The following ACSL6 variants were observed in gnomAD, a reference collection of about 807,000 sequenced individuals.
ACSL6 encodes acyl-CoA synthetase long chain family member 6.
ACSL6 carries 47 observed loss-of-function variants against 98.2 expected under a neutral mutation model. The ratio of observed to expected loss-of-function variants is 0.48; its 90% CI spans 0.38 to 0.61. The LOEUF is 0.61. ACSL6 is among the 20% of genes least tolerant of loss of function. The pLI is 0.00. For synonymous variants in ACSL6, 362 were observed against 336.9 expected (o/e 1.07, Z -0.82); for missense variants, 761 against 913.4 (o/e 0.83, Z 2.15).
rs1301577605 is a variant in ACSL6 at position 131,990,850 on chromosome 5, C to T, written c.385+3G>A. The T allele has an allele frequency of 1.3e-6, 2 of 1,599,590 alleles. No individual in the cohort carries two copies. Among genetic ancestry groups the T allele is most frequent in the African/African-American group, 2.7e-5 (2 of 74,384 alleles). ...CCACACCCCCCCCCACAACCCTTCT[C>T]ACCTGAGATGCTAAGCCCACGGCGG... On this transcript the variant is annotated splice_donor_region_variant and intron_variant, in intron 3 of 20. Transcript: ENST00000651883.
At chr5:131,997,363 T>G (rs1246864810) in intron 1 of ACSL6, among the ~76,000 whole-genome samples, 1 of 152,210 alleles carries the variant, frequency 6.6e-6, no homozygotes, top group African/African-American at 2.4e-5. Context: ...AGCCCAAGAC[T>G]GCAGTCTCAA....
chr5:131,990,227 C>T (rs773800277), intron 3 of ACSL6, 63 bp from the exon 4 acceptor site: 64 of 1,544,750 alleles, frequency 4.1e-5, no homozygotes, highest in Middle Eastern at 1.7e-4. Flanking sequence ...CACCTGCATC[C>T]GCCCATCAGA....
chr5:131,991,536 G>A (rs1272782841), intron 2 of ACSL6, among the ~76,000 whole-genome samples: 1 of 152,200 alleles, frequency 6.6e-6, no homozygotes, highest in African/African-American at 2.4e-5. Flanking sequence ...GGGAGGACAG[G>A]CTGAATTATG....
chr5:132,000,478 C>CG (rs1561810064), intron 1 of ACSL6, among the ~76,000 whole-genome samples: 1 of 151,968 alleles, frequency 6.6e-6, no homozygotes, highest in African/African-American at 2.4e-5. Flanking sequence ...CAGGGGCTCT[C>CG]GGGGGTCTCA....
At position 131,990,112 on chromosome 5, in the gene ACSL6, C is replaced by T. The variant is rs1347997184; in HGVS notation, c.438G>A (p.Leu146=). The change falls in exon 4 of 21, where the codon CTG becomes CTA. Residue 146 remains leucine, a synonymous_variant. Coordinates refer to ENST00000651883, the MANE Select transcript of ACSL6 (RefSeq NM_001009185.3). The part of the protein sequence containing the change: ...FRKPKQPYQW[L]SYQEVADRAE... ...CTGTATCACTCACCTCCTGGTAGGA[C>T]AGCCACTGGTAAGGCTGCTTAGGCT... The T allele has an allele frequency of 1.2e-6, 2 of 1,613,796 alleles. No individual in the cohort carries two copies. Among genetic ancestry groups the T allele is most frequent in the Non-Finnish European group, 1.7e-6 (2 of 1,179,986 alleles).
At position 131,989,349 on chromosome 5, in the gene ACSL6, A is replaced by G; in HGVS notation, c.552+58T>C. Reference sequence around the variant, plus strand: ...CAAACAGTGAAAGCAGGACTATTCCATGGCAGCCAACCCCTACCCCACGAA... The same window carrying G: ...CAAACAGTGAAAGCAGGACTATTCCGTGGCAGCCAACCCCTACCCCACGAA... On this transcript the variant is annotated intron_variant, in intron 5 of 20. Transcript: ENST00000651883. 7.9e-6 allele frequency: 12 copies of G among 1,516,486 alleles called. No individual in the cohort carries two copies. The South Asian group carries it at 1.4e-4, about 17-fold the overall frequency. 93.9% of individuals were successfully genotyped at this position (1,516,486 alleles called of 1,614,324 possible).
chr5:131,997,218 T>A (rs554636754), intron 1 of ACSL6, among the ~76,000 whole-genome samples: 1 of 152,336 alleles, frequency 6.6e-6, no homozygotes, highest in African/African-American at 2.4e-5. Flanking sequence ...AGCCTTTTCC[T>A]ACACACTGTA....
intron 1 of ACSL6, among the ~76,000 whole-genome samples, chr5:131,995,926 T>A (rs948325440): frequency 1.3e-5 from 2 of 152,176 alleles, no homozygotes; most frequent in African/African-American, 4.8e-5. Flanking sequence ...TATATGCTTG[T>A]CAAACCAAGA....
Position 131,986,944 on chromosome 5 carries a change from C to G in ACSL6, c.832-90G>C, listed in dbSNP as rs528094550. ...TGTCTCTGTCTCTTTCTCTCACACA[C>G]GCACATACACATACACACACACACA... is the stretch of plus-strand genomic sequence containing the variant. On this transcript the variant is annotated intron_variant, in intron 7 of 20. Transcript: ENST00000651883. 4 of 1,326,124 alleles carry G rather than the reference C, an allele frequency of 3.0e-6. No homozygotes were observed. The Admixed American group carries it at 7.5e-5, about 25-fold the overall frequency. The allele number at this position is 1,326,124 out of a possible 1,614,324, so 82.1% of individuals were successfully genotyped here. A position where few individuals can be genotyped will look rare whatever the true frequency, so the allele number is the denominator to read the frequency against.
At chr5:131,995,060 G>A (rs923237498) in intron 1 of ACSL6, among the ~76,000 whole-genome samples, 2 of 152,154 alleles carry the variant, frequency 1.3e-5, no homozygotes, top group Admixed American at 6.5e-5. Context: ...TGCTGTGTGC[G>A]CTCCCCGGGG....
intron 5 of ACSL6, 124 bp downstream of exon 5, chr5:131,989,283 T>C: frequency 2.1e-6 from 2 of 939,528 alleles, no homozygotes; most frequent in Non-Finnish European, 3.3e-6. Flanking sequence ...AGTGGTGGCA[T>C]AGCCCAAGGG....
rs559894402 is a variant in ACSL6, at chr5:131,964,333, T to C, written c.1714-1655A>G. 3.0e-4 allele frequency among the ~76,000 whole-genome samples: 45 copies of C among 152,368 alleles called. No individual in the cohort carries two copies. The South Asian group carries it at 9.1e-3, about 31-fold the overall frequency. On this transcript the variant is annotated intron_variant, in intron 17 of 20. Coordinates refer to ENST00000651883, the MANE Select transcript of ACSL6 (RefSeq NM_001009185.3). Reference sequence around the variant, plus strand: ...GTTGAATTATGTCAAGAATGCATGATTTGCTTTACATGAGAAATATAGAAT... The same window carrying C: ...GTTGAATTATGTCAAGAATGCATGACTTGCTTTACATGAGAAATATAGAAT...
chr5:132,007,761 A>C (rs994141912), intron 1 of ACSL6, among the ~76,000 whole-genome samples: 1 of 152,176 alleles, frequency 6.6e-6, no homozygotes, highest in African/African-American at 2.4e-5. Flanking sequence ...CCTAGTACTT[A>C]ATGAGTATTT....
At chr5:131,996,400 G>T (rs1172073182) in intron 1 of ACSL6, among the ~76,000 whole-genome samples, 1 of 152,176 alleles carries the variant, frequency 6.6e-6, no homozygotes, top group Non-Finnish European at 1.5e-5. Context: ...TCACAGCCAG[G>T]CCTATCAGAT....
At chr5:131,990,626 G>A (rs1178283906) in intron 3 of ACSL6, among the ~76,000 whole-genome samples, 1 of 152,168 alleles carries the variant, frequency 6.6e-6, no homozygotes, top group East Asian at 1.9e-4. Context: ...GATGGCCTAA[G>A]GTCAAGCTGC....
At chr5:131,981,166 C>T (rs992995879) in intron 9 of ACSL6, among the ~76,000 whole-genome samples, 2 of 151,994 alleles carry the variant, frequency 1.3e-5, no homozygotes, top group African/African-American at 4.8e-5. Flanking sequence ...GGCTTTGGTG[C>T]TTGAGCATCC....
chr5:131,975,141 T>A, intron 10 of ACSL6, 171 bp from the exon 11 acceptor site: 8 of 1,333,594 alleles, frequency 6.0e-6, no homozygotes, highest in Non-Finnish European at 7.7e-6. Flanking sequence ...AGAGAAGAAA[T>A]GAGAGAGAGA....
chr5:131,972,578 T>A, intron 13 of ACSL6, 146 bp downstream of exon 13: 1 of 1,039,742 alleles, frequency 9.6e-7, no homozygotes, highest in Non-Finnish European at 1.4e-6. Context: ...AAAATTTCAA[T>A]CATAGCTTAA....
rs773944138 is a variant in ACSL6 at position 131,953,791 on chromosome 5, C to G, written c.*443G>C. 21 of 194,044 alleles carry G rather than the reference C, an allele frequency of 1.1e-4. No homozygotes were observed. Among genetic ancestry groups the G allele is most frequent in the Non-Finnish European group, 1.9e-4 (18 of 92,892 alleles). The allele number at this position is 194,044 out of a possible 1,614,324, so 12.0% of individuals were successfully genotyped here. A position where few individuals can be genotyped will look rare whatever the true frequency, so the allele number is the denominator to read the frequency against. The stretch of plus-strand genomic sequence containing the variant: ...TACACCTAGCTTTAATTTTTGAAGT[C>G]TGATTTAATTGTGATTTTGACAATC... On this transcript the variant is annotated 3_prime_UTR_variant, in exon 21 of 21. Coordinates refer to ENST00000651883, the MANE Select transcript of ACSL6 (RefSeq NM_001009185.3).
Sources: gnomAD v4.1 joint callset for allele counts (sites outside exome capture counted in the v4.1 genomes callset) on GRCh38, gnomAD v4.1.1 for gene constraint, MANE v1.5 for transcripts, NCBI Gene and HGNC (gene_info 2026-07-23, HGNC 2026-07-21) for gene names.